Variants in LRRC7 observed in about 807,000 individuals in gnomAD.
LRRC7 encodes the protein leucine rich repeat containing 7, also known as leucine-rich repeat-containing protein 7.
In LRRC7, 23 loss-of-function variants were observed where a neutral mutation model predicts 175.7. The observed-to-expected ratio is 0.13, with a 90% CI of 0.09 to 0.19. LRRC7 has a LOEUF of 0.19. LRRC7 is among the 10% of genes least tolerant of loss of function. The pLI, the probability that LRRC7 is intolerant of heterozygous loss-of-function variation, is 1.00. For synonymous variants in LRRC7, 685 were observed against 680.9 expected (o/e 1.01, Z -0.09); for missense variants, 1,354 against 1,904.7 (o/e 0.71, Z 5.38).
intron 1 of LRRC7, among the ~76,000 whole-genome samples, chr1:69,643,448 C>CA (rs1320291507): frequency 2.0e-5 from 3 of 152,228 alleles, no homozygotes; most frequent in Non-Finnish European, 4.4e-5. Context: ...GAGGGCCCAA[C>CA]AAAACAACTC....
intron 1 of LRRC7, among the ~76,000 whole-genome samples, chr1:69,606,086 G>A (rs1379392702): frequency 2.6e-5 from 4 of 152,088 alleles, no homozygotes; most frequent in South Asian, 2.1e-4. Context: ...CAAACTTTCT[G>A]GACTGAACTA....
intron 4 of LRRC7, among the ~76,000 whole-genome samples, chr1:69,807,792 G>A (rs1005599091): frequency 3.3e-5 from 5 of 151,790 alleles, no homozygotes; most frequent in Non-Finnish European, 5.9e-5. Flanking sequence ...TGCTCTTCTC[G>A]AGGAGTATCT....
intron 2 of LRRC7, among the ~76,000 whole-genome samples, chr1:69,702,624 A>C (rs1353689042): frequency 6.6e-6 from 1 of 152,146 alleles, no homozygotes; most frequent in Non-Finnish European, 1.5e-5. Flanking sequence ...TTAATTCTTG[A>C]CATGGAGGCT....
intron 3 of LRRC7, among the ~76,000 whole-genome samples, chr1:69,781,011 T>TAA (rs1398360479): frequency 1.3e-5 from 2 of 152,230 alleles, no homozygotes; most frequent in Non-Finnish European, 2.9e-5. Context: ...TCTAAGAAAC[T>TAA]AAACTATGTT....
chr1:69,804,758 A>G (rs187226439), intron 4 of LRRC7, among the ~76,000 whole-genome samples: 9 of 151,632 alleles, frequency 5.9e-5, no homozygotes, highest in Admixed American at 2.0e-4. Flanking sequence ...GTAAAATAAA[A>G]CTCCTATGTG....
At chr1:69,711,539 T>G (rs1465744929) in intron 2 of LRRC7, among the ~76,000 whole-genome samples, 1 of 152,202 alleles carries the variant, frequency 6.6e-6, no homozygotes, top group Admixed American at 6.5e-5. Context: ...TTATCACAAG[T>G]GCCCACTGCA....
intron 15 of LRRC7, among the ~76,000 whole-genome samples, chr1:70,019,735 G>T (rs979108893): frequency 6.6e-6 from 1 of 151,806 alleles, no homozygotes; most frequent in Non-Finnish European, 1.5e-5. Flanking sequence ...GAAAAGAAAA[G>T]ATTGTTTTAA....
intron 23 of LRRC7, among the ~76,000 whole-genome samples, chr1:70,054,996 T>A (rs1044363666): frequency 6.6e-6 from 1 of 152,168 alleles, no homozygotes; most frequent in African/African-American, 2.4e-5. Flanking sequence ...ATTTTTCTCT[T>A]GATGACCACT....
chr1:70,059,381 A>G (rs984582119), intron 23 of LRRC7, among the ~76,000 whole-genome samples: 1 of 152,098 alleles, frequency 6.6e-6, no homozygotes, highest in Non-Finnish European at 1.5e-5. Context: ...TCACATCTAC[A>G]ATATCAGTTC....
chr1:69,979,025 T>C (rs1272372095), intron 8 of LRRC7, among the ~76,000 whole-genome samples: 1 of 151,928 alleles, frequency 6.6e-6, no homozygotes. Flanking sequence ...GTAGAAATGC[T>C]CCATCCTTAG....
chr1:70,078,128 TA>T lies in LRRC7; in HGVS notation c.4452+1833del, dbSNP rs538239026. 1.7e-3 allele frequency among the ~76,000 whole-genome samples: 261 copies of T among 152,344 alleles called. No individual in the cohort carries two copies. In the South Asian group the frequency reaches 0.02, roughly 12 times the overall value. Reference sequence around the variant, plus strand: ...TAAATACTCGTGGTGATAGGTATCCTAAATGCCTTGACTTGATTACACGTTC... The same window carrying T: ...TAAATACTCGTGGTGATAGGTATCCTAATGCCTTGACTTGATTACACGTTC... On this transcript the variant is annotated intron_variant, in intron 24 of 26. Coordinates refer to ENST00000651989, the MANE Select transcript of LRRC7 (RefSeq NM_001370785.2).
chr1:70,056,430 CTA>C (rs1661157614), intron 23 of LRRC7, among the ~76,000 whole-genome samples: 1 of 152,186 alleles, frequency 6.6e-6, no homozygotes, highest in Admixed American at 6.5e-5. Flanking sequence ...GAGATTTATA[CTA>C]TGCCTCAACT....
Position 70,136,325 on chromosome 1 carries a change from T to C in LRRC7, c.*14438T>C, listed in dbSNP as rs576161571. ...TGAGTATTCATCCAGACCTGTAGGT[T>C]TGAATCGAGAGATGTTTAAGTAATT... On this transcript the variant is annotated 3_prime_UTR_variant, in exon 27 of 27. Coordinates refer to ENST00000651989, the MANE Select transcript of LRRC7 (RefSeq NM_001370785.2). Among the ~76,000 whole-genome samples the C allele has an allele frequency of 2.6e-5, 4 of 152,202 alleles. No individual in the cohort carries two copies. The South Asian group carries it at 8.3e-4, about 32-fold the overall frequency.
chr1:69,608,789 A>G (rs75570643), intron 1 of LRRC7, among the ~76,000 whole-genome samples: 5,568 of 140,038 alleles, frequency 0.04, 375 homozygotes, highest in African/African-American at 0.14. Flanking sequence ...AAGAACTGGC[A>G]TCTCCTATAA....
chr1:69,762,010 T>C (rs1671092878), intron 3 of LRRC7, among the ~76,000 whole-genome samples: 1 of 152,022 alleles, frequency 6.6e-6, no homozygotes, highest in Non-Finnish European at 1.5e-5. Context: ...AGTTATATTT[T>C]ACTTTTAAAT....
At chr1:70,027,591 A>AT (rs1344495141) in intron 17 of LRRC7, among the ~76,000 whole-genome samples, 2 of 152,116 alleles carry the variant, frequency 1.3e-5, no homozygotes, top group South Asian at 2.1e-4. Context: ...ACCCTGAAGC[A>AT]TTTTTTCCCC....
chr1:69,572,084 C>A (rs1645761442), intron 1 of LRRC7, among the ~76,000 whole-genome samples: 1 of 152,078 alleles, frequency 6.6e-6, no homozygotes, highest in Admixed American at 6.5e-5. Context: ...TAATTCAAAT[C>A]TGTGACATAT....
chr1:69,729,271 A>G (rs950987591), intron 2 of LRRC7, among the ~76,000 whole-genome samples: 2 of 152,088 alleles, frequency 1.3e-5, no homozygotes, highest in African/African-American at 4.8e-5. Flanking sequence ...TCAAAACACA[A>G]TCATGTCTTT....
chr1:69,979,780 A>G (rs1033766967), intron 8 of LRRC7, among the ~76,000 whole-genome samples: 14 of 151,972 alleles, frequency 9.2e-5, no homozygotes, highest in African/African-American at 3.4e-4. Flanking sequence ...TTAAAAGTCA[A>G]TGGGGCTTAT....
Sources: allele counts gnomAD v4.1 joint callset (sites outside exome capture counted in the v4.1 genomes callset), GRCh38; gene constraint gnomAD v4.1.1; transcripts MANE v1.5; gene names NCBI Gene and HGNC (gene_info 2026-07-23, HGNC 2026-07-21).